SVIL: variants seen among roughly 807,000 people sequenced by gnomAD.
SVIL encodes the protein supervillin.
In SVIL, 101 loss-of-function variants were observed where a neutral mutation model predicts 240.4. The observed-to-expected ratio is 0.42, with a 90% CI of 0.36 to 0.50. The LOEUF (loss-of-function observed/expected upper bound fraction) is 0.50. Ranked by LOEUF, SVIL falls within the 20% of genes least tolerant of loss-of-function variation. SVIL has a pLI of 0.01. For missense variants in SVIL, 2,512 were observed against 2,818.7 expected (o/e 0.89, Z 2.46); for synonymous variants, 999 against 1,100.0 (o/e 0.91, Z 1.82).
intron 3 of SVIL, among the ~76,000 whole-genome samples, chr10:29,653,110 A>G (rs1958892325): frequency 6.6e-6 from 1 of 151,744 alleles, no homozygotes; most frequent in South Asian, 2.1e-4. Context: ...GATTACAGGC[A>G]TGAGTCCCTG....
intron 2 of SVIL, among the ~76,000 whole-genome samples, chr10:29,564,097 C>T (rs890647725): frequency 1.3e-5 from 2 of 152,076 alleles, no homozygotes; most frequent in Admixed American, 6.6e-5. Context: ...AAAGCACCTG[C>T]TTTGTAATAT....
At chr10:29,652,700 T>G (rs1305012880) in intron 3 of SVIL, among the ~76,000 whole-genome samples, 1 of 152,198 alleles carries the variant, frequency 6.6e-6, no homozygotes, top group Non-Finnish European at 1.5e-5. Flanking sequence ...TCCAATTTCT[T>G]CACATCCTCA....
chr10:29,465,982 G>A (rs1944864209), intron 33 of SVIL, among the ~76,000 whole-genome samples: 1 of 151,716 alleles, frequency 6.6e-6, no homozygotes, highest in Non-Finnish European at 1.5e-5. Flanking sequence ...AAATTAAAAA[G>A]AAAAGAAAAA....
chr10:29,514,788 G>A (rs189753471), intron 16 of SVIL, among the ~76,000 whole-genome samples: 14 of 152,298 alleles, frequency 9.2e-5, no homozygotes, highest in Middle Eastern at 3.4e-3. Flanking sequence ...CTGGTCAGAT[G>A]ATCTCTAAGG....
chr10:29,658,050 C>A (rs1238637543), exon 3 of SVIL: 2 of 152,160 alleles, frequency 1.3e-5, no homozygotes, highest in African/African-American at 4.8e-5. Flanking sequence ...GTCCTCAAGG[C>A]CATCCACTTG....
At chr10:29,526,772 T>C (rs1406313289) in intron 13 of SVIL, among the ~76,000 whole-genome samples, 189 bp downstream of exon 13, 1 of 152,206 alleles carries the variant, frequency 6.6e-6, no homozygotes, top group Non-Finnish European at 1.5e-5. Flanking sequence ...ACAAAATGTT[T>C]TCCCACGCAC....
chr10:29,653,790 A>G (rs1958915577), intron 3 of SVIL, among the ~76,000 whole-genome samples: 1 of 152,136 alleles, frequency 6.6e-6, no homozygotes. Flanking sequence ...AATTTGTTGA[A>G]GAGATTATTT....
chr10:29,558,859 C>T (rs1401278731), intron 3 of SVIL, among the ~76,000 whole-genome samples: 1 of 150,562 alleles, frequency 6.6e-6, no homozygotes, highest in Non-Finnish European at 1.5e-5. Context: ...ACCCGGGAGA[C>T]AGAGGTTGCA....
At chr10:29,607,568 G>A (rs1957073153) in intron 1 of SVIL, among the ~76,000 whole-genome samples, 1 of 151,696 alleles carries the variant, frequency 6.6e-6, no homozygotes, top group Non-Finnish European at 1.5e-5. Context: ...GATTTGACAT[G>A]TTTCATGTTA....
At chr10:29,530,041 G>A (rs1371796618) in intron 11 of SVIL, among the ~76,000 whole-genome samples, 197 bp from the exon 12 acceptor site, 6 of 152,154 alleles carry the variant, frequency 3.9e-5, no homozygotes, top group African/African-American at 1.4e-4. Flanking sequence ...AGGCATGCTG[G>A]CACAGGCCTG....
At chr10:29,636,566 C>A (rs1418639777), upstream of SVIL, among the ~76,000 whole-genome samples, 1 of 152,156 alleles carries the variant, frequency 6.6e-6, no homozygotes, top group Non-Finnish European at 1.5e-5. Context: ...TTTTATATAT[C>A]CTTTCTGTCT....
At chr10:29,606,738 TA>T (rs1173775786) in intron 1 of SVIL, among the ~76,000 whole-genome samples, 1 of 152,204 alleles carries the variant, frequency 6.6e-6, no homozygotes, top group Non-Finnish European at 1.5e-5. Context: ...GTTTCATTTT[TA>T]AAAACATTTA....
At chr10:29,660,193 C>T (rs1003017043) in intron 2 of SVIL, among the ~76,000 whole-genome samples, 20 of 151,816 alleles carry the variant, frequency 1.3e-4, no homozygotes, top group African/African-American at 4.1e-4. Context: ...CCTATGGTCC[C>T]AGCTACCCAA....
chr10:29,642,706 C>G (rs965060518), intron 3 of SVIL, among the ~76,000 whole-genome samples: 2 of 151,836 alleles, frequency 1.3e-5, no homozygotes, highest in African/African-American at 4.8e-5. Context: ...TTTTTGGAGA[C>G]AGAGTCTCAC....
At chr10:29,725,057 T>G (rs1003555463) in intron 1 of SVIL, among the ~76,000 whole-genome samples, 1 of 127,196 alleles carries the variant, frequency 7.9e-6, no homozygotes, top group African/African-American at 3.0e-5. Flanking sequence ...AAAAAAAGCA[T>G]GCATGCTCAC....
At chr10:29,590,165 CAAAAAAAAAAAAAAA>C (rs58469441) in intron 1 of SVIL, among the ~76,000 whole-genome samples, 4 of 79,662 alleles carry the variant, frequency 5.0e-5, no homozygotes, top group African/African-American at 6.2e-5. Context: ...GACTCCGTCT[CAAAAAAAAAAAAAAA>C]AAAAAAAAAA....
At chr10:29,585,842 G>T (rs774306880) in intron 1 of SVIL, among the ~76,000 whole-genome samples, 5 of 152,272 alleles carry the variant, frequency 3.3e-5, no homozygotes, top group East Asian at 1.9e-4. Flanking sequence ...GCAGGTGTCC[G>T]ACGCCTCAGC....
intron 1 of SVIL, among the ~76,000 whole-genome samples, chr10:29,600,986 G>A (rs902156276): frequency 6.6e-6 from 1 of 152,116 alleles, no homozygotes; most frequent in Non-Finnish European, 1.5e-5. Context: ...ACACTCCCTG[G>A]TGTCCGCGCG....
chr10:29,635,716 T>C (rs1279497375), upstream of SVIL, among the ~76,000 whole-genome samples: 2 of 152,170 alleles, frequency 1.3e-5, no homozygotes, highest in Non-Finnish European at 1.5e-5. Context: ...CAAACAAATA[T>C]CACAACCCTG....
Sources: gnomAD v4.1 joint callset for allele counts (sites outside exome capture counted in the v4.1 genomes callset) on GRCh38, gnomAD v4.1.1 for gene constraint, MANE v1.5 for transcripts, NCBI Gene and HGNC (gene_info 2026-07-23, HGNC 2026-07-21) for gene names.